DPH7: variants seen among roughly 807,000 people sequenced by gnomAD.
DPH7 encodes the protein diphthine methyltransferase.
A neutral mutation model predicts 41.7 loss-of-function variants in DPH7; 44 were observed. The ratio of observed to expected loss-of-function variants is 1.05; its 90% CI spans 0.83 to 1.36. The LOEUF (loss-of-function observed/expected upper bound fraction) is 1.36. Among genes scored for constraint, DPH7 ranks in the 40% most tolerant of loss-of-function variants. The pLI is 0.00. For synonymous variants in DPH7, 275 were observed against 238.0 expected (o/e 1.16, Z -1.43); for missense variants, 629 against 577.5 (o/e 1.09, Z -0.91).
chr9:137,568,828 G>A (rs974798023), intron 5 of DPH7, among the ~76,000 whole-genome samples: 1 of 152,100 alleles, frequency 6.6e-6, no homozygotes, highest in African/African-American at 2.4e-5. Context: ...CACAGGGGCC[G>A]TTACTAGGTC....
At chr9:137,574,501 A>G in intron 4 of DPH7, 121 bp from the exon 5 acceptor site, 2 of 1,079,992 alleles carry the variant, frequency 1.9e-6, no homozygotes, top group Non-Finnish European at 2.6e-6. Context: ...GCCCCTTAAG[A>G]GACTGGCGGC....
chr9:137,577,874 G>T, intron 1 of DPH7: 1 of 821,754 alleles, frequency 1.2e-6, no homozygotes, highest in Non-Finnish European at 1.5e-6. Flanking sequence ...GCCTGGGACA[G>T]TCCTGACTTA....
chr9:137,555,562 G>A lies in DPH7; in HGVS notation c.1036C>T (p.Arg346Cys), dbSNP rs142602479. ...YGADWSWLLFRSLQRAPSWSF... is the reference protein window; with the variant it reads ...YGADWSWLLFCSLQRAPSWSF... ...CACGAGGGGGCCCGCTGCAGAGAAC[G>A]GAAGAGCAGCCAGGACCAGTCGGCT... The change falls in exon 9 of 9, where the codon CGT (arginine) becomes TGT (cysteine). Residue 346 changes from arginine to cysteine, a missense_variant. Physicochemically the swap from Arg to Cys is radical, Grantham distance 180. Transcript: ENST00000277540. The A allele has an allele frequency of 5.3e-5, 86 of 1,613,780 alleles. 1 individual carries two copies. The African/African-American group carries it at 1.0e-3, about 19-fold the overall frequency.
rs1030071922 is a variant in DPH7 at position 137,556,146 on chromosome 9, T to A, written c.950-498A>T. Among the ~76,000 whole-genome samples, 10 of 152,172 alleles carry A rather than the reference T, an allele frequency of 6.6e-5. No individual in the cohort carries two copies. Among genetic ancestry groups the A allele is most frequent in the Non-Finnish European group, 1.3e-4 (9 of 68,012 alleles). On this transcript the variant is annotated intron_variant, in intron 8 of 8. Transcript: ENST00000277540. The surrounding 1 kb of genome is among the most constrained non-coding windows in gnomAD (Gnocchi z 5.2). ...CAAGCATGCAGGGTCCGGCACGCCCTGTTTCAGAGTCTGGATTCTGGCTTG... is the reference window on the plus strand; with the variant it reads ...CAAGCATGCAGGGTCCGGCACGCCCAGTTTCAGAGTCTGGATTCTGGCTTG...
intron 8 of DPH7, among the ~76,000 whole-genome samples, chr9:137,558,719 G>A (rs995087912): frequency 7.9e-5 from 12 of 152,208 alleles, no homozygotes; most frequent in Admixed American, 5.2e-4. Flanking sequence ...TGATTGCACA[G>A]TATTTTGAAT....
intron 2 of DPH7, among the ~76,000 whole-genome samples, chr9:137,577,179 T>G (rs191296146): frequency 6.6e-6 from 1 of 152,140 alleles, no homozygotes; most frequent in Non-Finnish European, 1.5e-5. Context: ...CACACACCAC[T>G]GCATTTAAAT....
At chr9:137,564,237 A>G (rs1019609496) in intron 8 of DPH7, among the ~76,000 whole-genome samples, 197 bp downstream of exon 8, 6 of 152,242 alleles carry the variant, frequency 3.9e-5, no homozygotes, top group Non-Finnish European at 8.8e-5. Flanking sequence ...AACTGTGGTT[A>G]GAGAGCAGAG....
At chr9:137,564,656 T>C in intron 7 of DPH7, 50 bp from the exon 8 acceptor site, 1 of 1,585,382 alleles carries the variant, frequency 6.3e-7, no homozygotes, top group Non-Finnish European at 8.6e-7. Context: ...CAGGCTCACC[T>C]GTTCCACAAG....
chr9:137,564,594 G>C lies in DPH7; in HGVS notation c.789C>G (p.His263Gln). 6.2e-7 allele frequency: 1 copy of C among 1,612,684 alleles called. No individual in the cohort carries two copies. Among genetic ancestry groups the C allele is most frequent in the Non-Finnish European group, 8.5e-7 (1 of 1,178,862 alleles). Residue 263 changes from histidine to glutamine, a missense_variant, in exon 8 of 9, where the codon CAC becomes CAG. His to Gln is a conservative substitution (Grantham distance 24, BLOSUM62 0). Transcript: ENST00000277540. Reference sequence around the variant, plus strand: ...TGTTTCGTGTGTCCCACAGTAGGATGTGTTCATCATAGCTGAAACCGACCA... The same window carrying C: ...TGTTTCGTGTGTCCCACAGTAGGATCTGTTCATCATAGCTGAAACCGACCA... ...HILATGSYDE[H>Q]ILLWDTRNMK...
chr9:137,565,106 T>C lies in DPH7; in HGVS notation c.689A>G (p.Lys230Arg), dbSNP rs1588862755. The change falls in exon 6 of 9, where the codon AAA (lysine) becomes AGA (arginine). Residue 230 changes from lysine to arginine, a missense_variant. Physicochemically the swap from Lys to Arg is conservative, Grantham distance 26 (BLOSUM62 2). Transcript: ENST00000277540. ...LRGWDTRVPG[K>R]FLFTSKRHTM... Reference sequence around the variant, plus strand: ...TTACCTTTTGCTGGTGAAGAGAAATTTGCCGGGTACCCTGGTGTCCCAGCC... The same window carrying C: ...TTACCTTTTGCTGGTGAAGAGAAATCTGCCGGGTACCCTGGTGTCCCAGCC... The C allele has an allele frequency of 2.5e-6, 4 of 1,614,030 alleles. No individual in the cohort carries two copies. Among genetic ancestry groups the C allele is most frequent in the African/African-American group, 2.7e-5 (2 of 75,050 alleles).
At chr9:137,558,354 A>T (rs954445056) in intron 8 of DPH7, among the ~76,000 whole-genome samples, 1 of 152,162 alleles carries the variant, frequency 6.6e-6, no homozygotes, top group Non-Finnish European at 1.5e-5. Flanking sequence ...CTCTGACTCC[A>T]CCACTGCGCT....
At chr9:137,575,104 T>G (rs1841149764) in intron 3 of DPH7, 1 of 1,237,918 alleles carries the variant, frequency 8.1e-7, no homozygotes, top group Non-Finnish European at 1.0e-6. Context: ...ATGGTCTCCC[T>G]CCCTTTCACA....
chr9:137,577,590 A>T lies in DPH7; in HGVS notation c.167T>A (p.Val56Asp), dbSNP rs1410192531. ...GCCTAAACGGACCTGAGGCTCCTTA[A>T]CTTCCATTCCACCCTACAAAAAATG... ...AGPQNKGGMEVKEPQVRLGRL... is the reference protein window; with the variant it reads ...AGPQNKGGMEDKEPQVRLGRL... The change falls in exon 2 of 9, where the codon GTT (valine) becomes GAT (aspartate). Residue 56 changes from valine to aspartate, a missense_variant. Coordinates refer to ENST00000277540, the MANE Select transcript of DPH7 (RefSeq NM_138778.5). 7 of 1,613,706 alleles carry T rather than the reference A, an allele frequency of 4.3e-6. No homozygotes were observed. The Admixed American group carries it at 1.0e-4, about 23-fold the overall frequency.
Position 137,564,424 on chromosome 9 carries a change from CCCCACTCA to C in DPH7, c.949+2_949+9del. ...GCCCTGAGGCCCAGCAGCCACGGGTCCCCACTCACCCATTGCCTTTTGGCAGTTGAGGA... is the reference window on the plus strand; with the variant it reads ...GCCCTGAGGCCCAGCAGCCACGGGTCCCCATTGCCTTTTGGCAGTTGAGGA... On this transcript the variant is annotated splice_donor_variant and splice_donor_5th_base_variant and intron_variant, in intron 8 of 8. Transcript: ENST00000277540. LOFTEE classifies it high-confidence loss of function. 1.2e-6 allele frequency: 2 copies of C among 1,606,646 alleles called. No individual in the cohort carries two copies. Among genetic ancestry groups the C allele is most frequent in the Non-Finnish European group, 1.7e-6 (2 of 1,175,080 alleles).
chr9:137,577,712 G>T, intron 1 of DPH7, 109 bp from the exon 2 acceptor site: 1 of 1,382,628 alleles, frequency 7.2e-7, no homozygotes, highest in Non-Finnish European at 9.9e-7. Context: ...TAAAGGAGTG[G>T]AATTCTGCCT....
intron 7 of DPH7, 32 bp downstream of exon 7, chr9:137,564,861 G>C: frequency 6.3e-7 from 1 of 1,575,906 alleles, no homozygotes; most frequent in South Asian, 1.1e-5. Context: ...CGAAAGAGAC[G>C]AGAAGGGCCC....
intron 2 of DPH7, among the ~76,000 whole-genome samples, chr9:137,576,845 G>T (rs911791293): frequency 6.6e-6 from 1 of 151,448 alleles, no homozygotes; most frequent in African/African-American, 2.4e-5. Context: ...AGCCGAGACC[G>T]CGCCACTGCA....
chr9:137,564,470 T>G lies in DPH7; in HGVS notation c.913A>C (p.Ser305Arg), dbSNP rs781096752. Residue 305 changes from serine to arginine, a missense_variant, in exon 8 of 9, where the codon AGT becomes CGT. By Grantham distance (110) the Ser-to-Arg change is moderately radical. Coordinates refer to ENST00000277540, the MANE Select transcript of DPH7 (RefSeq NM_138778.5). The part of the protein sequence containing the change: ...HHLLLAACMH[S>R]GFKILNCQKA... ...TGGCAGTTGAGGATCTTAAAGCCAC[T>G]GTGCATGCAGGCGGCCAGGAGCAGG... 2 of 1,614,028 alleles carry G rather than the reference T, an allele frequency of 1.2e-6. No homozygotes were observed. The highest frequency in any genetic ancestry group is 1.7e-6 in the Non-Finnish European group (2 of 1,179,952).
chr9:137,570,891 A>C (rs1309672851), intron 5 of DPH7, among the ~76,000 whole-genome samples: 3 of 152,104 alleles, frequency 2.0e-5, no homozygotes, highest in African/African-American at 7.2e-5. Context: ...CAAAGCACTC[A>C]TTGCCCCTGA....
Sources: gnomAD v4.1 joint callset for allele counts (sites outside exome capture counted in the v4.1 genomes callset) on GRCh38, gnomAD v4.1.1 for gene constraint, Gnocchi (gnomAD v3.1) non-coding constraint, MANE v1.5 for transcripts, NCBI Gene and HGNC (gene_info 2026-07-23, HGNC 2026-07-21) for gene names.